The following CUX2 variants were observed in gnomAD, a reference collection of about 807,000 sequenced individuals.
CUX2 encodes homeobox protein cut-like 2.
CUX2 carries 40 observed loss-of-function variants against 144.8 expected under a neutral mutation model. The observed-to-expected ratio is 0.28, with a 90% CI of 0.21 to 0.36. CUX2 has a LOEUF of 0.36. Ranked by LOEUF, CUX2 falls within the 10% of genes least tolerant of loss-of-function variation. The pLI is 1.00. For synonymous variants in CUX2, 827 were observed against 875.6 expected (o/e 0.94, Z 0.98); for missense variants, 1,615 against 1,994.0 (o/e 0.81, Z 3.62).
intron 1 of CUX2, among the ~76,000 whole-genome samples, chr12:111,211,111 T>G (rs753587370): frequency 6.6e-6 from 1 of 152,222 alleles, no homozygotes; most frequent in African/African-American, 2.4e-5. Flanking sequence ...AAGCTTTCCA[T>G]AAATGGTAGT....
intron 1 of CUX2, among the ~76,000 whole-genome samples, chr12:111,189,958 T>C (rs1050709362): frequency 2.6e-5 from 4 of 152,220 alleles, no homozygotes; most frequent in Admixed American, 2.6e-4. Flanking sequence ...CTGTATGAGG[T>C]TCCAGTTGAT....
intron 2 of CUX2, among the ~76,000 whole-genome samples, chr12:111,214,553 A>G (rs1159753746): frequency 6.6e-6 from 1 of 152,108 alleles, no homozygotes; most frequent in Non-Finnish European, 1.5e-5. Flanking sequence ...GGCGCTGTGA[A>G]ACATCCATTT....
chr12:111,184,345 A>G (rs1879375426), intron 1 of CUX2, among the ~76,000 whole-genome samples: 1 of 152,080 alleles, frequency 6.6e-6, no homozygotes, highest in Admixed American at 6.6e-5. Flanking sequence ...GACTGGAAGT[A>G]AACTAAGTGT....
intron 1 of CUX2, among the ~76,000 whole-genome samples, chr12:111,096,853 C>A (rs975231310): frequency 6.6e-6 from 1 of 152,024 alleles, no homozygotes; most frequent in African/African-American, 2.4e-5. Context: ...TGGTGGGCAC[C>A]TGTAATCCCG....
In CUX2 at chr12:111,146,537, G is replaced by C. The variant is rs77072253; in HGVS notation, c.64-67663G>C. On this transcript the variant is annotated intron_variant, in intron 1 of 21. Coordinates refer to ENST00000261726, the MANE Select transcript of CUX2 (RefSeq NM_015267.4). ...ACAGATGACAGTGGGGAAAGGGGTTGGGATAGCTTGTGGGTGGCCAATCTG... is the reference window on the plus strand; with the variant it reads ...ACAGATGACAGTGGGGAAAGGGGTTCGGATAGCTTGTGGGTGGCCAATCTG... Among the ~76,000 whole-genome samples, 997 of 152,316 alleles carry C rather than the reference G, an allele frequency of 6.5e-3. 12 individuals carry two copies. Among genetic ancestry groups the C allele is most frequent in the African/African-American group, 0.023 (950 of 41,560 alleles).
intron 19 of CUX2, 37 bp from the exon 20 acceptor site, chr12:111,338,249 C>A: frequency 6.4e-7 from 1 of 1,561,960 alleles, no homozygotes; most frequent in Non-Finnish European, 8.7e-7. Flanking sequence ...CTCTGCCCAG[C>A]CTCGGGTAAC....
intron 18 of CUX2, among the ~76,000 whole-genome samples, chr12:111,324,852 T>C (rs961590248): frequency 6.6e-6 from 1 of 152,208 alleles, no homozygotes; most frequent in Admixed American, 6.5e-5. Context: ...GGGGGTGAAG[T>C]GTCAGCATCG....
chr12:111,081,248 C>T (rs532910363), intron 1 of CUX2, among the ~76,000 whole-genome samples: 3 of 152,162 alleles, frequency 2.0e-5, no homozygotes, highest in Non-Finnish European at 4.4e-5. Context: ...CCAGCTTTCT[C>T]GAGCGGTGTC....
chr12:111,291,389 A>C, intron 4 of CUX2, 29 bp from the exon 5 acceptor site: 1 of 1,576,556 alleles, frequency 6.3e-7, no homozygotes, highest in Non-Finnish European at 8.6e-7. Flanking sequence ...TCAGGCCCTC[A>C]CTATCCCTGT....
At position 111,034,860 on chromosome 12, in the gene CUX2, GGCCGCC is replaced by G. The variant is rs956434405; in HGVS notation, c.63+633_63+638del. Among the ~76,000 whole-genome samples the G allele has an allele frequency of 6.0e-5, 9 of 148,774 alleles. No homozygotes were observed. The highest frequency in any genetic ancestry group is 7.5e-5 in the Non-Finnish European group (5 of 66,782). ...CAGCCCGGACGCGCCGCCACCCGGG[GGCCGCC>G]GCCGCCGCCGCCAGAGCCGCCGCCG... On this transcript the variant is annotated intron_variant, in intron 1 of 21. Transcript: ENST00000261726. The surrounding 1 kb of genome is among the most constrained non-coding windows in gnomAD (Gnocchi z 4.2).
chr12:111,094,424 G>A (rs1199885288), intron 1 of CUX2, among the ~76,000 whole-genome samples: 1 of 152,258 alleles, frequency 6.6e-6, no homozygotes, highest in Non-Finnish European at 1.5e-5. Flanking sequence ...GCTGTTAACT[G>A]AGCTTGGGGA....
At chr12:111,224,778 A>G (rs1731012239) in intron 3 of CUX2, among the ~76,000 whole-genome samples, 1 of 152,138 alleles carries the variant, frequency 6.6e-6, no homozygotes, top group African/African-American at 2.4e-5. Context: ...GGGGATGAGC[A>G]GTAGGGGCAA....
At chr12:111,242,618 A>G (rs1370111041) in intron 3 of CUX2, among the ~76,000 whole-genome samples, 1 of 152,196 alleles carries the variant, frequency 6.6e-6, no homozygotes, top group African/African-American at 2.4e-5. Context: ...ATTCAAGACC[A>G]GCCTGGCCAA....
chr12:111,235,875 GGGGCCAGT>G (rs911078685), intron 3 of CUX2, among the ~76,000 whole-genome samples: 1 of 152,126 alleles, frequency 6.6e-6, no homozygotes, highest in African/African-American at 2.4e-5. Flanking sequence ...TCAGGTTTTG[GGGGCCAGT>G]GGGACATGAC....
intron 3 of CUX2, among the ~76,000 whole-genome samples, chr12:111,247,797 A>C (rs942044474): frequency 1.3e-5 from 2 of 152,156 alleles, no homozygotes; most frequent in Non-Finnish European, 2.9e-5. Context: ...AGATGATGTC[A>C]TCTTCTCACA....
intron 1 of CUX2, among the ~76,000 whole-genome samples, chr12:111,097,527 A>G (rs1156549196): frequency 6.6e-6 from 1 of 152,196 alleles, no homozygotes; most frequent in Non-Finnish European, 1.5e-5. Context: ...GCCTAAAATG[A>G]TATTAATCAC....
intron 1 of CUX2, among the ~76,000 whole-genome samples, chr12:111,172,812 G>A (rs1162118254): frequency 4.6e-5 from 7 of 152,352 alleles, no homozygotes; most frequent in South Asian, 4.1e-4. Context: ...TTTGGAAAAC[G>A]TAAGTAAGGA....
chr12:111,290,288 A>C (rs929608026), intron 4 of CUX2, among the ~76,000 whole-genome samples: 1 of 151,978 alleles, frequency 6.6e-6, no homozygotes, highest in Non-Finnish European at 1.5e-5. Flanking sequence ...CTTGAACAGA[A>C]TCTCACTCTG....
chr12:111,228,718 C>A (rs1882308333), intron 3 of CUX2, among the ~76,000 whole-genome samples: 1 of 152,054 alleles, frequency 6.6e-6, no homozygotes, highest in Admixed American at 6.6e-5. Flanking sequence ...GCCACTGTGC[C>A]AGGCCTTAAA....
Sources: allele counts gnomAD v4.1 joint callset (sites outside exome capture counted in the v4.1 genomes callset), GRCh38; gene constraint gnomAD v4.1.1; non-coding constraint Gnocchi (gnomAD v3.1); transcripts MANE v1.5; gene names NCBI Gene and HGNC (gene_info 2026-07-23, HGNC 2026-07-21).